Variants in AHCTF1 observed in about 807,000 individuals in gnomAD.
AHCTF1 encodes protein ELYS.
A neutral mutation model predicts 248.4 loss-of-function variants in AHCTF1; 24 were observed. The ratio of observed to expected loss-of-function variants is 0.10; its 90% CI spans 0.07 to 0.14. The LOEUF (loss-of-function observed/expected upper bound fraction) is 0.14. AHCTF1 is among the 10% of genes least tolerant of loss of function. The pLI is 1.00. For missense variants in AHCTF1, 2,206 were observed against 2,636.2 expected (o/e 0.84, Z 3.57); for synonymous variants, 786 against 929.8 (o/e 0.85, Z 2.81).
intron 24 of AHCTF1, among the ~76,000 whole-genome samples, chr1:246,874,917 T>C (rs926082590): frequency 3.9e-5 from 6 of 152,198 alleles, no homozygotes; most frequent in East Asian, 1.9e-4. Flanking sequence ...CCCAGGATTA[T>C]AGAAATTTAA....
intron 16 of AHCTF1, 48 bp from the exon 17 acceptor site, chr1:246,890,107 T>G (rs776391663): frequency 1.6e-6 from 2 of 1,275,756 alleles, no homozygotes; most frequent in East Asian, 4.6e-5. Flanking sequence ...TCCCCAAATA[T>G]CTCAACAATA....
chr1:246,877,097 T>G lies in AHCTF1; in HGVS notation c.2806-16A>C, dbSNP rs754188356. ...CTAAACATTCCTAAAAAGAACAAAA[T>G]AGATTGTAAACTACCAATTTATCTT... On this transcript the variant is annotated splice_polypyrimidine_tract_variant and intron_variant, in intron 22 of 35. Coordinates refer to ENST00000648844, the MANE Select transcript of AHCTF1 (RefSeq NM_001323342.2). 1 of 1,612,306 alleles carries G rather than the reference T, an allele frequency of 6.2e-7. No homozygotes were observed. Among genetic ancestry groups the G allele is most frequent in the South Asian group, 1.1e-5 (1 of 90,988 alleles).
rs770031454 is a variant in AHCTF1, at chr1:246,894,722, G to C, written c.1741C>G (p.Arg581Gly). The C allele has an allele frequency of 1.2e-6, 2 of 1,613,720 alleles. No individual in the cohort carries two copies. Among genetic ancestry groups the C allele is most frequent in the Non-Finnish European group, 1.7e-6 (2 of 1,179,834 alleles). The change falls in exon 14 of 36, where the codon CGC (arginine) becomes GGC (glycine). Residue 581 changes from arginine to glycine, a missense_variant. This residue lies in a region of AHCTF1 where 650 missense variants were observed against 870.8 expected (regional missense o/e 0.75). Coordinates refer to ENST00000648844, the MANE Select transcript of AHCTF1 (RefSeq NM_001323342.2). ...TTCCACGTCCATTCAAGAACAAAGC[G>C]CAAATTAGTGGCAGAATTTGGTTGT... ...EEQPNSATNL[R>G]FVLEWTWNKV... is the part of the protein sequence containing the mutation.
rs1335622710 is a variant in AHCTF1 at position 246,900,487 on chromosome 1, T to C, written c.1118-18A>G. The C allele has an allele frequency of 1.3e-6, 2 of 1,579,742 alleles. No individual in the cohort carries two copies. Among genetic ancestry groups the C allele is most frequent in the Non-Finnish European group, 8.5e-7 (1 of 1,172,262 alleles). On this transcript the variant is annotated intron_variant, in intron 8 of 35. Transcript: ENST00000648844. Reference sequence around the variant, plus strand: ...CGATAGAGCTGGAAGAAAAAGATAATTTTTAAAAACAGAATAAAGAATCTC... The same window carrying C: ...CGATAGAGCTGGAAGAAAAAGATAACTTTTAAAAACAGAATAAAGAATCTC...
intron 2 of AHCTF1, among the ~76,000 whole-genome samples, chr1:246,917,731 A>G (rs888314920): frequency 1.3e-5 from 2 of 152,250 alleles, no homozygotes; most frequent in African/African-American, 4.8e-5. Flanking sequence ...AGTCTTCTGC[A>G]ATATCTTTCA....
intron 33 of AHCTF1, 88 bp downstream of exon 33, chr1:246,849,527 C>T: frequency 6.7e-7 from 1 of 1,498,764 alleles, no homozygotes; most frequent in Non-Finnish European, 8.9e-7. Context: ...GAAAAATTCC[C>T]TATAAAACCA....
At chr1:246,855,224 G>A (rs2103052951) in intron 31 of AHCTF1, among the ~76,000 whole-genome samples, 1 of 152,238 alleles carries the variant, frequency 6.6e-6, no homozygotes, top group South Asian at 2.1e-4. Flanking sequence ...TGCTTCCCCT[G>A]AATCCAACTG....
At chr1:246,888,143 T>C (rs1663959438) in intron 19 of AHCTF1, 34 bp downstream of exon 19, 1 of 1,598,428 alleles carries the variant, frequency 6.3e-7, no homozygotes, top group East Asian at 2.2e-5. Flanking sequence ...ATTTTAGTAA[T>C]ACATGAAACA....
At chr1:246,895,028 T>TAA (rs35083660) in intron 13 of AHCTF1, among the ~76,000 whole-genome samples, 28 of 144,824 alleles carry the variant, frequency 1.9e-4, no homozygotes, top group African/African-American at 6.8e-4. Context: ...CTAATTCCTT[T>TAA]AAAAAAAAAA....
At chr1:246,867,074 C>G (rs1025934511) in intron 26 of AHCTF1, among the ~76,000 whole-genome samples, 170 bp downstream of exon 26, 2 of 152,060 alleles carry the variant, frequency 1.3e-5, no homozygotes, top group African/African-American at 2.4e-5. Context: ...ATACTACTAC[C>G]TGATGTAAAA....
intron 30 of AHCTF1, among the ~76,000 whole-genome samples, chr1:246,857,116 G>A (rs1661164925): frequency 6.6e-6 from 1 of 152,178 alleles, no homozygotes; most frequent in Non-Finnish European, 1.5e-5. Flanking sequence ...CGTAAAGGAG[G>A]CAGTGCACTT....
chr1:246,930,543 C>G (rs548117279), intron 1 of AHCTF1, among the ~76,000 whole-genome samples: 10 of 151,546 alleles, frequency 6.6e-5, no homozygotes, highest in African/African-American at 2.4e-4. Context: ...AATTTCTTCT[C>G]TCCTAAGAGA....
At chr1:246,931,259 C>G (rs1332568724) in intron 1 of AHCTF1, 1 of 1,549,254 alleles carries the variant, frequency 6.5e-7, no homozygotes, top group Admixed American at 2.0e-5. Flanking sequence ...GGGTCGCGGC[C>G]CCGGCCGTCC....
At position 246,851,256 on chromosome 1, in the gene AHCTF1, C is replaced by T; in HGVS notation, c.4750G>A (p.Glu1584Lys). 6.2e-7 allele frequency: 1 copy of T among 1,613,918 alleles called. No homozygotes were observed. The highest frequency in any genetic ancestry group is 1.3e-5 in the African/African-American group (1 of 75,024). ...AECDIAEVDG[E>K]LFVAQSNFTL... The stretch of plus-strand genomic sequence containing the variant: ...AAGTTGCTTTGAGCCACAAAAAGTT[C>T]CCCATCTACTTCAGCAATGTCACAT... The change falls in exon 33 of 36, where the codon GAA becomes AAA. Residue 1584 changes from glutamate (E) to lysine (K), a missense_variant. Transcript: ENST00000648844.
chr1:246,859,852 C>T (rs1194039465), intron 29 of AHCTF1, among the ~76,000 whole-genome samples: 2 of 152,070 alleles, frequency 1.3e-5, no homozygotes, highest in East Asian at 3.9e-4. Flanking sequence ...CTTTACCCAG[C>T]CTGAACATTT....
intron 1 of AHCTF1, among the ~76,000 whole-genome samples, chr1:246,926,891 T>C (rs1040939901): frequency 6.9e-6 from 1 of 145,886 alleles, no homozygotes; most frequent in Non-Finnish European, 1.5e-5. Flanking sequence ...CAAAAGTGTA[T>C]GGCCGGGCCG....
intron 1 of AHCTF1, among the ~76,000 whole-genome samples, chr1:246,922,777 T>C (rs1487140682): frequency 5.5e-4 from 82 of 150,224 alleles, no homozygotes; most frequent in African/African-American, 1.9e-3. Context: ...GGTCAGGAGA[T>C]CGAGACCATC....
intron 13 of AHCTF1, among the ~76,000 whole-genome samples, 183 bp from the exon 14 acceptor site, chr1:246,894,931 A>C (rs907017035): frequency 6.6e-6 from 1 of 152,108 alleles, no homozygotes; most frequent in Non-Finnish European, 1.5e-5. Context: ...ATTTCAGGTA[A>C]TGCTGCCGCC....
At position 246,898,330 on chromosome 1, in the gene AHCTF1, T is replaced by C. The variant is rs997749157; in HGVS notation, c.1501A>G (p.Thr501Ala). Reference sequence around the variant, plus strand: ...GATGGACCTGATTTCTTTAAAAAAGTCAAAGTCTGTAACAGATAAATTAGT... The same window carrying C: ...GATGGACCTGATTTCTTTAAAAAAGCCAAAGTCTGTAACAGATAAATTAGT... ...TCTGFQKETL[T>A]FLKKSGPSLN... The change falls in exon 12 of 36, where the codon ACT becomes GCT. Residue 501 changes from threonine to alanine, a missense_variant. Transcript: ENST00000648844. 2.6e-5 allele frequency: 42 copies of C among 1,612,866 alleles called. No homozygotes were observed. The highest frequency in any genetic ancestry group is 3.2e-5 in the Non-Finnish European group (38 of 1,179,504).
Sources: allele counts gnomAD v4.1 joint callset (sites outside exome capture counted in the v4.1 genomes callset), GRCh38; gene constraint gnomAD v4.1.1; regional missense constraint gnomAD v4.1.1; transcripts MANE v1.5; gene names NCBI Gene and HGNC (gene_info 2026-07-23, HGNC 2026-07-21).